The following MASP1 variants were observed in gnomAD, a reference collection of about 807,000 sequenced individuals.
MASP1 encodes the protein MBL associated serine protease 1, also known as mannan-binding lectin serine protease 1.
A neutral mutation model predicts 77.1 loss-of-function variants in MASP1; 59 were observed. The ratio of observed to expected loss-of-function variants is 0.77; its 90% CI spans 0.62 to 0.95. MASP1 has a LOEUF of 0.95. MASP1 is among the 40% of genes least tolerant of loss of function. The pLI, the probability that MASP1 is intolerant of heterozygous loss-of-function variation, is 0.00. For synonymous variants in MASP1, 362 were observed against 354.5 expected, an observed-to-expected ratio of 1.02 and a Z score of -0.24; for missense variants, 885 against 912.9, an observed-to-expected ratio of 0.97 and a Z score of 0.39.
intron 2 of MASP1, among the ~76,000 whole-genome samples, chr3:187,284,996 T>G (rs1239014693): frequency 6.6e-6 from 1 of 152,244 alleles, no homozygotes; most frequent in African/African-American, 2.4e-5. Flanking sequence ...AGTTGTTTGA[T>G]GAGAACCTCT....
intron 14 of MASP1, among the ~76,000 whole-genome samples, chr3:187,222,532 T>A (rs1200506391): frequency 6.6e-6 from 1 of 152,186 alleles, no homozygotes; most frequent in Non-Finnish European, 1.5e-5. Context: ...GCCAAGCAAC[T>A]CTTTGATGGC....
intron 2 of MASP1, among the ~76,000 whole-genome samples, chr3:187,283,493 A>C (rs2108606999): frequency 6.6e-6 from 1 of 152,342 alleles, no homozygotes; most frequent in East Asian, 1.9e-4. Context: ...CTGAAAAAGA[A>C]TCAAACTTAA....
At chr3:187,247,293 A>T (rs765320098) in intron 8 of MASP1, 7 of 1,613,956 alleles carry the variant, frequency 4.3e-6, no homozygotes, top group Admixed American at 1.7e-5. Context: ...CTTGGGAGTG[A>T]TCCATTTCTG....
intron 11 of MASP1, among the ~76,000 whole-genome samples, chr3:187,226,865 G>A (rs936756622): frequency 3.3e-5 from 5 of 152,140 alleles, no homozygotes; most frequent in Admixed American, 2.6e-4. Context: ...GCCTTCTCAG[G>A]CCTTGCTTCT....
At chr3:187,244,394 T>C (rs850311) in intron 8 of MASP1, 145,410 of 152,408 alleles carry the variant, frequency 0.95, 69,693 homozygotes, top group East Asian at 1. Flanking sequence ...TGGAGCCCAG[T>C]GTGAGTCAGC....
At chr3:187,247,973 CAT>C (rs1174726456) in intron 8 of MASP1, among the ~76,000 whole-genome samples, 24 of 152,128 alleles carry the variant, frequency 1.6e-4, no homozygotes, top group African/African-American at 2.4e-5. Context: ...TTTTAAGAAA[CAT>C]AGAACTTGTA....
At position 187,286,094 on chromosome 3, in the gene MASP1, A is replaced by G. The variant is rs574083807; in HGVS notation, c.6-38T>C. On this transcript the variant is annotated intron_variant, in intron 1 of 10. Transcript: ENST00000296280. ...AATGTAGGTCTACTTACATTTATAA[A>G]CACAGGCCCCTGCCATTCATCTCAA... The G allele has an allele frequency of 1.0e-5, 15 of 1,496,096 alleles. No homozygotes were observed. In the African/African-American group the frequency reaches 1.5e-4, roughly 15 times the overall value. The allele number at this position is 1,496,096 out of a possible 1,614,324, so 92.7% of individuals were successfully genotyped here. A position where few individuals can be genotyped will look rare whatever the true frequency, so the allele number is the denominator to read the frequency against.
At chr3:187,274,228 T>A (rs1716767132) in intron 2 of MASP1, among the ~76,000 whole-genome samples, 1 of 151,676 alleles carries the variant, frequency 6.6e-6, no homozygotes, top group Non-Finnish European at 1.5e-5. Context: ...GTAATAAAAA[T>A]AATGATGATG....
Position 187,251,559 on chromosome 3 carries a change from T to C in MASP1, c.1011+75A>G, listed in dbSNP as rs568027146. ...AACTATGACAAGTTCTGGCAGCCCA[T>C]CTGCCCTGGGGAGGGGCAGGTTTCG... On this transcript the variant is annotated intron_variant, in intron 7 of 10. Transcript: ENST00000296280. 8.8e-5 allele frequency: 104 copies of C among 1,185,178 alleles called. No homozygotes were observed. In the East Asian group the frequency reaches 2.3e-3, roughly 26 times the overall value. 73.4% of individuals were successfully genotyped at this position (1,185,178 alleles called of 1,614,324 possible).
At chr3:187,277,052 G>C (rs970001109) in intron 2 of MASP1, among the ~76,000 whole-genome samples, 1 of 152,140 alleles carries the variant, frequency 6.6e-6, no homozygotes, top group African/African-American at 2.4e-5. Context: ...TGGCCTGAGG[G>C]AAGGGGCATT....
chr3:187,260,978 C>A, intron 3 of MASP1, 106 bp from the exon 4 acceptor site: 2 of 1,271,522 alleles, frequency 1.6e-6, no homozygotes, highest in South Asian at 1.2e-5. Context: ...TTAGGAGATT[C>A]ATGCGTTCTC....
rs1712359369 is a variant in MASP1 at position 187,225,391 on chromosome 3, C to A, written c.1674G>T (p.Leu558=). The change falls in exon 13 of 16, where the codon CTG becomes CTT. Residue 558 remains leucine (L), a synonymous_variant. Coordinates refer to the MASP1 transcript ENST00000337774. ...AGGCATTCAGCACTGGGCTCTCCAA[C>A]AGCTCCACCAGAGCCACGTCATTCT... 6 of 1,614,148 alleles carry A rather than the reference C, an allele frequency of 3.7e-6. No individual in the cohort carries two copies. In the East Asian group the frequency reaches 1.3e-4, roughly 36 times the overall value.
intron 5 of MASP1, among the ~76,000 whole-genome samples, chr3:187,255,859 C>T (rs1715029515): frequency 6.6e-6 from 1 of 151,954 alleles, no homozygotes; most frequent in Admixed American, 6.6e-5. Context: ...GACATCCCGC[C>T]ATTTCCACAG....
intron 14 of MASP1, among the ~76,000 whole-genome samples, chr3:187,221,348 C>A (rs1712049981): frequency 6.6e-6 from 1 of 152,132 alleles, no homozygotes; most frequent in South Asian, 2.1e-4. Flanking sequence ...CTGTGAAGAC[C>A]TTGGCTGTGT....
chr3:187,229,864 A>G (rs758043803), downstream of MASP1: 2 of 1,614,142 alleles, frequency 1.2e-6, no homozygotes, highest in Non-Finnish European at 1.7e-6. Flanking sequence ...GATCCTGGCC[A>G]TCAGCTTCCG....
chr3:187,233,973 T>C, downstream of MASP1: 1 of 677,062 alleles, frequency 1.5e-6, no homozygotes, highest in Non-Finnish European at 2.1e-6. Context: ...GTTGTACTTT[T>C]TCTGCAACAA....
intron 5 of MASP1, among the ~76,000 whole-genome samples, chr3:187,254,662 A>AG (rs1490841728): frequency 2.6e-5 from 4 of 151,818 alleles, no homozygotes; most frequent in African/African-American, 9.7e-5. Flanking sequence ...AAGCAAAAAA[A>AG]CAAAACAAAA....
At position 187,235,952 on chromosome 3, in the gene MASP1, T is replaced by C. The variant is rs754855129; in HGVS notation, c.1919A>G (p.Asn640Ser). Reference protein sequence around the residue: ...CKTSYESRSGNYSVTENMFCA... With the variant: ...CKTSYESRSGSYSVTENMFCA... ...GAACATGTTCTCCGTGACGCTGTAA[T>C]TGCCCGAGCGGGACTCATAGCTAGT... The change falls in exon 11 of 11, where the codon AAT becomes AGT. Residue 640 changes from asparagine to serine, a missense_variant. Transcript: ENST00000296280. The C allele has an allele frequency of 4.3e-6, 7 of 1,614,212 alleles. No homozygotes were observed. The highest frequency in any genetic ancestry group is 5.9e-6 in the Non-Finnish European group (7 of 1,180,042).
chr3:187,225,564 C>T (rs1712377269), intron 12 of MASP1: 2 of 1,586,594 alleles, frequency 1.3e-6, no homozygotes, highest in Admixed American at 3.3e-5. Flanking sequence ...AAGGTCACAC[C>T]TTGTTCCCTG....
Sources: gnomAD v4.1 joint callset for allele counts (sites outside exome capture counted in the v4.1 genomes callset) on GRCh38, gnomAD v4.1.1 for gene constraint, MANE v1.5 for transcripts, NCBI Gene and HGNC (gene_info 2026-07-23, HGNC 2026-07-21) for gene names.